Variants in KHDRBS2 observed in about 807,000 individuals in gnomAD.
The protein encoded by KHDRBS2 is KH RNA binding domain containing, signal transduction associated 2.
KHDRBS2 carries 26 observed loss-of-function variants against 44.3 expected under a neutral mutation model. The ratio of observed to expected loss-of-function variants is 0.59; its 90% CI spans 0.43 to 0.81. The LOEUF (loss-of-function observed/expected upper bound fraction) is 0.81. KHDRBS2 is among the 40% of genes least tolerant of loss of function. The pLI, the probability that KHDRBS2 is intolerant of heterozygous loss-of-function variation, is 0.00. For missense variants in KHDRBS2, 476 were observed against 433.1 expected (o/e 1.10, Z -0.88); for synonymous variants, 194 against 151.1 (o/e 1.28, Z -2.08).
intron 6 of KHDRBS2, among the ~76,000 whole-genome samples, chr6:61,806,082 A>G (rs549314830): frequency 6.6e-6 from 1 of 152,300 alleles, no homozygotes; most frequent in African/African-American, 2.4e-5. Flanking sequence ...TTACAACAAT[A>G]TTTCATATCC....
intron 8 of KHDRBS2, 131 bp from the exon 9 acceptor site, chr6:61,681,191 T>C: frequency 1.6e-6 from 1 of 638,378 alleles, no homozygotes. Flanking sequence ...GCCTATTTTT[T>C]CCACATCGTG....
chr6:61,952,653 T>G (rs1372266726), intron 4 of KHDRBS2, among the ~76,000 whole-genome samples: 1 of 152,028 alleles, frequency 6.6e-6, no homozygotes, highest in Non-Finnish European at 1.5e-5. Flanking sequence ...CACTGTAGCT[T>G]CAAGCCAAGT....
chr6:61,985,585 C>T (rs796536513), intron 3 of KHDRBS2, among the ~76,000 whole-genome samples: 15 of 152,218 alleles, frequency 9.9e-5, no homozygotes, highest in African/African-American at 3.6e-4. Context: ...CTTCAGGGAC[C>T]ACCTTGGATC....
At chr6:61,717,516 T>C (rs4710455) in intron 7 of KHDRBS2, among the ~76,000 whole-genome samples, 25,117 of 152,016 alleles carry the variant, frequency 0.17, 2,528 homozygotes, top group East Asian at 0.29. Context: ...TCCAATAACC[T>C]TCTGTAAATT....
chr6:61,906,893 C>CT (rs199843521), intron 4 of KHDRBS2, among the ~76,000 whole-genome samples: 159 of 146,814 alleles, frequency 1.1e-3, no homozygotes, highest in Middle Eastern at 3.5e-3. Flanking sequence ...TACTAGTTTG[C>CT]TTTTTTTTTT....
intron 6 of KHDRBS2, among the ~76,000 whole-genome samples, chr6:61,842,413 C>A (rs1322587134): frequency 6.6e-6 from 1 of 152,122 alleles, no homozygotes; most frequent in Admixed American, 6.6e-5. Flanking sequence ...GTCTATATTA[C>A]CTTTGCATGT....
chr6:62,278,546 T>C (rs2150194686), intron 1 of KHDRBS2, among the ~76,000 whole-genome samples: 1 of 152,276 alleles, frequency 6.6e-6, no homozygotes, highest in East Asian at 1.9e-4. Context: ...GAAATATTAA[T>C]ATTAATGTAC....
intron 6 of KHDRBS2, among the ~76,000 whole-genome samples, chr6:61,793,288 C>T (rs1303183744): frequency 3.3e-5 from 5 of 151,774 alleles, no homozygotes; most frequent in South Asian, 4.1e-4. Flanking sequence ...ATGTACAAAA[C>T]GAACAAGTAA....
intron 2 of KHDRBS2, among the ~76,000 whole-genome samples, chr6:62,109,468 A>G (rs1207607860): frequency 1.3e-5 from 2 of 152,036 alleles, no homozygotes; most frequent in African/African-American, 4.8e-5. Context: ...AAATCAGGCA[A>G]GAAAAAGAAA....
the KHDRBS2 span, chr6:61,652,339 G>A: frequency 7.2e-5 from 11 of 152,062 alleles, no homozygotes; most frequent in African/African-American, 2.2e-4. Flanking sequence ...AAAAGAAGAT[G>A]AAAACATGAA....
chr6:62,258,210 T>G, intron 1 of KHDRBS2, among the ~76,000 whole-genome samples: 1 of 152,124 alleles, frequency 6.6e-6, no homozygotes, highest in East Asian at 1.9e-4. Context: ...AGTGGATCCC[T>G]GAAGGATAAA....
At chr6:61,816,746 C>T (rs760254667) in intron 6 of KHDRBS2, 21 of 376,808 alleles carry the variant, frequency 5.6e-5, no homozygotes, top group South Asian at 1.9e-4. Context: ...TGCCATATTA[C>T]GTAATGAAAC....
chr6:61,591,999 G>A, the KHDRBS2 span, among the ~76,000 whole-genome samples: 5 of 151,848 alleles, frequency 3.3e-5, no homozygotes, highest in Non-Finnish European at 5.9e-5. Flanking sequence ...GAACAGCCTG[G>A]GTAACATAGA....
chr6:62,226,434 G>A (rs1176283046), intron 1 of KHDRBS2, among the ~76,000 whole-genome samples: 2 of 152,022 alleles, frequency 1.3e-5, no homozygotes, highest in African/African-American at 2.4e-5. Context: ...CTGGACATTT[G>A]ACCTTTGTCA....
In KHDRBS2 at chr6:62,076,507, T is replaced by C. The variant is rs185781902; in HGVS notation, c.220-28513A>G. On this transcript the variant is annotated intron_variant, in intron 2 of 8. Transcript: ENST00000281156. ...GTAAATCAGTAGATAATGTTGGTTG[T>C]AGTGAAATGTGGGGAAAGGATTCAC... Among the ~76,000 whole-genome samples, 246 of 152,176 alleles carry C rather than the reference T, an allele frequency of 1.6e-3. 1 individual carries two copies. The highest frequency in any genetic ancestry group is 5.8e-3 in the African/African-American group (239 of 41,560).
At chr6:62,072,313 C>A (rs182384493) in intron 2 of KHDRBS2, among the ~76,000 whole-genome samples, 56 of 152,268 alleles carry the variant, frequency 3.7e-4, no homozygotes, top group Non-Finnish European at 7.4e-4. Context: ...TTCCTCTTTT[C>A]TTAATTGAAT....
At position 62,214,718 on chromosome 6, in the gene KHDRBS2, G is replaced by T. The variant is rs144748000; in HGVS notation, c.92-37406C>A. Among the ~76,000 whole-genome samples, 298 of 152,054 alleles carry T rather than the reference G, an allele frequency of 2.0e-3. 8 individuals carry two copies. Among genetic ancestry groups the T allele is most frequent in the Admixed American group, 7.0e-3 (107 of 15,258 alleles). ...CTGTGCTCAAAAGAGGAAACTGGAT[G>T]AGCATCATCCAACAAGTCTCTGTCA... is the stretch of plus-strand genomic sequence containing the variant. On this transcript the variant is annotated intron_variant, in intron 1 of 8. Coordinates refer to ENST00000281156, the MANE Select transcript of KHDRBS2 (RefSeq NM_152688.4).
chr6:62,240,020 G>T (rs1585363444), intron 1 of KHDRBS2, among the ~76,000 whole-genome samples: 1 of 151,950 alleles, frequency 6.6e-6, no homozygotes, highest in East Asian at 1.9e-4. Flanking sequence ...TTTTATTTCA[G>T]AATACATAGT....
chr6:61,716,187 G>C (rs1263938372), intron 7 of KHDRBS2, among the ~76,000 whole-genome samples: 1 of 151,948 alleles, frequency 6.6e-6, no homozygotes, highest in Non-Finnish European at 1.5e-5. Flanking sequence ...AAGCCTAAGT[G>C]ACATGGAGAG....
Sources: gnomAD v4.1 joint callset for allele counts (sites outside exome capture counted in the v4.1 genomes callset) on GRCh38, gnomAD v4.1.1 for gene constraint, MANE v1.5 for transcripts, NCBI Gene and HGNC (gene_info 2026-07-23, HGNC 2026-07-21) for gene names.